AURKB: variants seen among roughly 807,000 people sequenced by gnomAD.
The protein encoded by AURKB is aurora kinase B-Sv1.
Under a neutral mutation model 36.5 loss-of-function variants are expected in AURKB, and 28 were observed. The observed-to-expected ratio is 0.77, with a 90% CI of 0.57 to 1.05. AURKB has a LOEUF of 1.05. Among genes scored for constraint, AURKB ranks in the 50% least tolerant of loss-of-function variants. AURKB has a pLI of 0.00. For missense variants in AURKB, 383 were observed against 447.4 expected (o/e 0.86, Z 1.30); for synonymous variants, 175 against 172.9 (o/e 1.01, Z -0.09).
In AURKB at chr17:8,205,538, G is replaced by A. The variant is rs183250217; in HGVS notation, c.687-148C>T. The A allele has an allele frequency of 4.4e-4, 417 of 951,980 alleles. 4 individuals carry two copies. The Admixed American group carries it at 0.011, about 24-fold the overall frequency. 59.0% of individuals were successfully genotyped at this position (951,980 alleles called of 1,614,324 possible). ...AGGCCACTGGAGTGGGGGTGGGGTT[G>A]GGGTGATGATATATCCCAAAGCCCC... is the stretch of plus-strand genomic sequence containing the variant. On this transcript the variant is annotated intron_variant, in intron 7 of 8. Transcript: ENST00000585124.
In AURKB at chr17:8,204,855, T is replaced by C; in HGVS notation, c.*16A>G. 1.2e-6 allele frequency: 2 copies of C among 1,610,552 alleles called. No individual in the cohort carries two copies. The highest frequency in any genetic ancestry group is 1.7e-6 in the Non-Finnish European group (2 of 1,179,030). On this transcript the variant is annotated 3_prime_UTR_variant, in exon 9 of 9. Coordinates refer to ENST00000585124, the MANE Select transcript of AURKB (RefSeq NM_004217.4). ...AGACATACAAACACACGCACCCGAG[T>C]GAATGACAGGGACCATCAGGCGACA...
In AURKB at chr17:8,209,879, T is replaced by C. The variant is rs916292679; in HGVS notation, c.48+298A>G. On this transcript the variant is annotated intron_variant, in intron 2 of 8. Coordinates refer to ENST00000585124, the MANE Select transcript of AURKB (RefSeq NM_004217.4). ...TTTTCAGGATATGGATTGGGAATCATGGCCTGAAGGCCAGGCCCTGCCTGC... is the reference window on the plus strand; with the variant it reads ...TTTTCAGGATATGGATTGGGAATCACGGCCTGAAGGCCAGGCCCTGCCTGC... 3.8e-5 allele frequency: 19 copies of C among 495,006 alleles called. 1 individual carries two copies. In the Middle Eastern group the frequency reaches 2.6e-3, roughly 67 times the overall value. The allele number at this position is 495,006 out of a possible 1,614,324, so 30.7% of individuals were successfully genotyped here.
rs1395089208 is a variant in AURKB at position 8,210,514 on chromosome 17, CAGGAGG to C, written c.-26+10_-26+15del. 3 of 477,034 alleles carry C rather than the reference CAGGAGG, an allele frequency of 6.3e-6. No homozygotes were observed. Among genetic ancestry groups the C allele is most frequent in the Non-Finnish European group, 1.1e-5 (3 of 269,686 alleles). The allele number at this position is 477,034 out of a possible 1,614,324, so 29.6% of individuals were successfully genotyped here. On this transcript the variant is annotated intron_variant, in intron 1 of 8. Coordinates refer to ENST00000585124, the MANE Select transcript of AURKB (RefSeq NM_004217.4). ...CCCACTCCCGGCGCAAGGCCTGCGA[CAGGAGG>C]CCAGCTCACCTGGGGTCCAAGGCAC...
intron 2 of AURKB, among the ~76,000 whole-genome samples, chr17:8,209,023 A>AT (rs60656658): frequency 0.67 from 94,264 of 141,060 alleles, 31,497 homozygotes; most frequent in South Asian, 0.73. Flanking sequence ...CAACTTCTTC[A>AT]TTTTTTTTTT....
At position 8,204,803 on chromosome 17, in the gene AURKB, G is replaced by A; in HGVS notation, c.*68C>T. ...GAAAACAGATAAGGGAACAGTTAGG[G>A]ATCCCTTCTTTCCCCTATACATACA... On this transcript the variant is annotated 3_prime_UTR_variant, in exon 9 of 9. Coordinates refer to ENST00000585124, the MANE Select transcript of AURKB (RefSeq NM_004217.4). The A allele has an allele frequency of 1.3e-6, 2 of 1,570,794 alleles. No homozygotes were observed. The highest frequency in any genetic ancestry group is 1.7e-6 in the Non-Finnish European group (2 of 1,155,834).
intron 2 of AURKB, among the ~76,000 whole-genome samples, chr17:8,208,629 T>TAAAA (rs977970135): frequency 1.5e-4 from 21 of 143,666 alleles, no homozygotes; most frequent in African/African-American, 3.0e-4. Context: ...AATAAATAAA[T>TAAAA]AAAAAATAAA....
In AURKB at chr17:8,206,103, T is replaced by G. The variant is rs1399910076; in HGVS notation, c.686+388A>C. Among the ~76,000 whole-genome samples the G allele has an allele frequency of 6.6e-6, 1 of 150,396 alleles. No homozygotes were observed. Among genetic ancestry groups the G allele is most frequent in the African/African-American group, 2.4e-5 (1 of 40,848 alleles). ...CCTACAGGGATCAAACCTGCGACCT[T>G]GGGGTTATTAGCACCACACTCTAAC... is the stretch of plus-strand genomic sequence containing the variant. On this transcript the variant is annotated intron_variant, in intron 7 of 8. Coordinates refer to ENST00000585124, the MANE Select transcript of AURKB (RefSeq NM_004217.4). This position sits in a 1 kb window ranked among gnomAD's most constrained non-coding sequence, Gnocchi z 4.2.
intron 5 of AURKB, 79 bp downstream of exon 5, chr17:8,207,097 T>A: frequency 6.6e-7 from 1 of 1,521,096 alleles, no homozygotes; most frequent in East Asian, 2.3e-5. Context: ...GAGAAAGCAA[T>A]CTGGATGAAG....
At chr17:8,205,483 G>T in intron 7 of AURKB, 93 bp from the exon 8 acceptor site, 1 of 1,491,138 alleles carries the variant, frequency 6.7e-7, no homozygotes, top group Non-Finnish European at 9.1e-7. Flanking sequence ...AAGACCACGG[G>T]ATGTACCAGG....
At chr17:8,208,951 G>A (rs149759420) in intron 2 of AURKB, among the ~76,000 whole-genome samples, 1 of 152,052 alleles carries the variant, frequency 6.6e-6, no homozygotes, top group South Asian at 2.1e-4. Context: ...TTACACTTTT[G>A]CAAGAACAGG....
Position 8,204,824 on chromosome 17 carries a change from A to G in AURKB, c.*47T>C. Reference sequence around the variant, plus strand: ...TAGGGATCCCTTCTTTCCCCTATACATACACAGACATACAAACACACGCAC... The same window carrying G: ...TAGGGATCCCTTCTTTCCCCTATACGTACACAGACATACAAACACACGCAC... On this transcript the variant is annotated 3_prime_UTR_variant, in exon 9 of 9. Transcript: ENST00000585124. The G allele has an allele frequency of 1.2e-6, 2 of 1,603,470 alleles. No individual in the cohort carries two copies. The highest frequency in any genetic ancestry group is 1.7e-6 in the Non-Finnish European group (2 of 1,175,612).
chr17:8,205,164 C>T, intron 8 of AURKB, 52 bp downstream of exon 8: 1 of 1,569,074 alleles, frequency 6.4e-7, no homozygotes, highest in Non-Finnish European at 8.6e-7. Flanking sequence ...CACCCCCAGC[C>T]CCCCAGCTCC....
At position 8,210,176 on chromosome 17, in the gene AURKB, C is replaced by T; in HGVS notation, c.48+1G>A. 6.2e-7 allele frequency: 1 copy of T among 1,612,776 alleles called. No homozygotes were observed. Among genetic ancestry groups the T allele is most frequent in the African/African-American group, 1.3e-5 (1 of 75,052 alleles). On this transcript the variant is annotated splice_donor_variant, in intron 2 of 8. Coordinates refer to ENST00000585124, the MANE Select transcript of AURKB (RefSeq NM_004217.4). LOFTEE classifies it high-confidence loss of function. ...CGCAGGGACGGAGGGAAGGGCCTTA[C>T]CGTCTGTCGGCCGTAGGGCCAGGGG...
chr17:8,207,754 G>A lies in AURKB; in HGVS notation c.135C>T (p.Ser45=), dbSNP rs1166519459. 1 of 1,614,032 alleles carries A rather than the reference G, an allele frequency of 6.2e-7. No individual in the cohort carries two copies. Among genetic ancestry groups the A allele is most frequent in the Non-Finnish European group, 8.5e-7 (1 of 1,180,024 alleles). ...TPSALVLMSR[S]NVQPTAAPGQ... ...GCCAGTTACCTGTGGGCTGGACATT[G>A]GAGCGGCTCATGAGGACAAGTGCAG... is the stretch of plus-strand genomic sequence containing the variant. Residue 45 remains serine (S), a synonymous_variant, in exon 3 of 9, where the codon TCC becomes TCT. Coordinates refer to ENST00000585124, the MANE Select transcript of AURKB (RefSeq NM_004217.4).
At chr17:8,205,434 G>A in intron 7 of AURKB, 44 bp from the exon 8 acceptor site, 2 of 1,596,640 alleles carry the variant, frequency 1.3e-6, no homozygotes, top group East Asian at 2.2e-5. Flanking sequence ...AGTGACATAG[G>A]AACTCTCCTT....
In AURKB at chr17:8,207,304, G is replaced by A. The variant is rs55716296; in HGVS notation, c.270C>T (p.Asn90=). The A allele has an allele frequency of 1.4e-3, 2,337 of 1,614,120 alleles. 2 individuals are homozygous for A. The highest frequency in any genetic ancestry group is 1.7e-3 in the Non-Finnish European group (1,989 of 1,180,026). ...TTTTCTTCTCCCGAGCCAAGTACACGTTTCCAAACTTGCCTTTGCCCAGAG... is the reference window on the plus strand; with the variant it reads ...TTTTCTTCTCCCGAGCCAAGTACACATTTCCAAACTTGCCTTTGCCCAGAG... The part of the protein sequence containing the change: ...GRPLGKGKFG[N]VYLAREKKSH... Residue 90 remains asparagine, a synonymous_variant, in exon 5 of 9, where the codon AAC becomes AAT. Transcript: ENST00000585124.
At position 8,206,712 on chromosome 17, in the gene AURKB, G is replaced by A. The variant is rs781602367; in HGVS notation, c.537+38C>T. The A allele has an allele frequency of 1.2e-6, 2 of 1,612,526 alleles. No individual in the cohort carries two copies. The highest frequency in any genetic ancestry group is 1.7e-6 in the Non-Finnish European group (2 of 1,179,076). On this transcript the variant is annotated intron_variant, in intron 6 of 8. Transcript: ENST00000585124. The surrounding 1 kb of genome is among the most constrained non-coding windows in gnomAD (Gnocchi z 4.2). ...ACAAGCAGCACACCCTCAGCCTCGAGCCCCCTACTGGCGCCCCAGGTGCCC... is the reference window on the plus strand; with the variant it reads ...ACAAGCAGCACACCCTCAGCCTCGAACCCCCTACTGGCGCCCCAGGTGCCC...
rs758500992 is a variant in AURKB, at chr17:8,206,691, G to C, written c.538-52C>G. On this transcript the variant is annotated intron_variant, in intron 6 of 8. Coordinates refer to ENST00000585124, the MANE Select transcript of AURKB (RefSeq NM_004217.4). This position sits in a 1 kb window ranked among gnomAD's most constrained non-coding sequence, Gnocchi z 4.2. ...GACAAGGATGGACCTCCAGCTACAA[G>C]CAGCACACCCTCAGCCTCGAGCCCC... 1 of 1,613,560 alleles carries C rather than the reference G, an allele frequency of 6.2e-7. No individual in the cohort carries two copies. The highest frequency in any genetic ancestry group is 8.5e-7 in the Non-Finnish European group (1 of 1,179,666).
chr17:8,204,978 G>A lies in AURKB; in HGVS notation c.928C>T (p.His310Tyr). The change falls in exon 9 of 9, where the codon CAT (histidine) becomes TAT (tyrosine). Residue 310 changes from histidine to tyrosine, a missense_variant. Physicochemically the swap from His to Tyr is moderately conservative, Grantham distance 83. Around this residue, in one of 3 missense-constraint regions of AURKB, gnomAD observed 219 missense variants for 252.6 expected, o/e 0.87. Transcript: ENST00000585124. ...AGGGGCAGCCGTTCCGAGGGGTTAT[G>A]CCTGAGCAGTTTGGAGATGAGGTCC... ...AQDLISKLLRHNPSERLPLAQ... is the reference protein window; with the variant it reads ...AQDLISKLLRYNPSERLPLAQ... 4 of 1,608,674 alleles carry A rather than the reference G, an allele frequency of 2.5e-6. No homozygotes were observed. The highest frequency in any genetic ancestry group is 3.4e-6 in the Non-Finnish European group (4 of 1,178,616).
Sources: allele counts gnomAD v4.1 joint callset (sites outside exome capture counted in the v4.1 genomes callset), GRCh38; gene constraint gnomAD v4.1.1; regional missense constraint gnomAD v4.1.1; non-coding constraint Gnocchi (gnomAD v3.1); transcripts MANE v1.5; gene names NCBI Gene and HGNC (gene_info 2026-07-23, HGNC 2026-07-21).